Variants in PTPRU observed in about 807,000 individuals in gnomAD.
PTPRU encodes receptor-type tyrosine-protein phosphatase U.
Under a neutral mutation model 166.3 loss-of-function variants are expected in PTPRU, and 69 were observed. The ratio of observed to expected loss-of-function variants is 0.41; its 90% CI spans 0.34 to 0.51. The LOEUF (loss-of-function observed/expected upper bound fraction) is 0.51. Ranked by LOEUF, PTPRU falls within the 20% of genes least tolerant of loss-of-function variation. The pLI is 0.09. For synonymous variants in PTPRU, 793 were observed against 814.0 expected (o/e 0.97, Z 0.44); for missense variants, 1,657 against 2,013.7 (o/e 0.82, Z 3.39).
At chr1:29,283,421 G>T (rs912923231) in intron 12 of PTPRU, among the ~76,000 whole-genome samples, 1 of 151,500 alleles carries the variant, frequency 6.6e-6, no homozygotes, top group Non-Finnish European at 1.5e-5. Context: ...TCTTTCTCAG[G>T]CTCCTCCTTT....
intron 15 of PTPRU, among the ~76,000 whole-genome samples, chr1:29,299,431 A>T (rs1362377334): frequency 6.6e-6 from 1 of 151,984 alleles, no homozygotes; most frequent in African/African-American, 2.4e-5. Flanking sequence ...GAGAGTAGGG[A>T]CCTGTCCTCT....
chr1:29,259,772 G>A, intron 5 of PTPRU, 98 bp from the exon 6 acceptor site: 1 of 1,366,278 alleles, frequency 7.3e-7, no homozygotes, highest in Non-Finnish European at 9.7e-7. Flanking sequence ...CTATGTCCGC[G>A]CGGTGTAGTA....
At chr1:29,272,250 C>T (rs1292862440) in intron 7 of PTPRU, among the ~76,000 whole-genome samples, 1 of 152,154 alleles carries the variant, frequency 6.6e-6, no homozygotes, top group Non-Finnish European at 1.5e-5. Flanking sequence ...GGCTTGCAGC[C>T]CACAGTACCC....
At chr1:29,322,837 C>T (rs1010745292) in intron 26 of PTPRU, among the ~76,000 whole-genome samples, 20 of 152,152 alleles carry the variant, frequency 1.3e-4, no homozygotes, top group Middle Eastern at 3.4e-3. Context: ...TCCTCTGTCC[C>T]TCCACAGTCT....
chr1:29,275,419 T>G, intron 7 of PTPRU, 29 bp from the exon 8 acceptor site: 2 of 1,572,276 alleles, frequency 1.3e-6, no homozygotes, highest in South Asian at 1.1e-5. Context: ...TTCTTCTAAC[T>G]TCTTCTCTCT....
chr1:29,309,384 ACTG>A (rs1687547030), intron 18 of PTPRU, among the ~76,000 whole-genome samples: 1 of 152,182 alleles, frequency 6.6e-6, no homozygotes, highest in Non-Finnish European at 1.5e-5. Context: ...TTACACAGCT[ACTG>A]CTCGGCATAG....
At chr1:29,297,670 G>A (rs149289928) in intron 15 of PTPRU, among the ~76,000 whole-genome samples, 88 of 152,270 alleles carry the variant, frequency 5.8e-4, no homozygotes, top group Non-Finnish European at 6.8e-4. Flanking sequence ...TAGAGAGAGC[G>A]GGAGATCAGG....
intron 2 of PTPRU, among the ~76,000 whole-genome samples, chr1:29,256,442 G>C (rs1684774843): frequency 6.6e-6 from 1 of 152,186 alleles, no homozygotes; most frequent in Admixed American, 6.5e-5. Flanking sequence ...GGTGTTTACT[G>C]CCTAGCTCAC....
intron 7 of PTPRU, among the ~76,000 whole-genome samples, chr1:29,270,151 C>T (rs530172882): frequency 3.7e-4 from 57 of 152,266 alleles, no homozygotes; most frequent in African/African-American, 1.3e-3. Context: ...TATACTGCTA[C>T]TGGCATCTCA....
At chr1:29,276,662 G>A (rs923543155) in intron 8 of PTPRU, among the ~76,000 whole-genome samples, 2 of 152,110 alleles carry the variant, frequency 1.3e-5, no homozygotes, top group South Asian at 2.1e-4. Context: ...GCTCTATAGT[G>A]ATATCATCTT....
chr1:29,278,253 T>A (rs1379157165), intron 8 of PTPRU, among the ~76,000 whole-genome samples: 1 of 152,186 alleles, frequency 6.6e-6, no homozygotes, highest in Admixed American at 6.6e-5. Context: ...TGCACAGTTT[T>A]CTGTTCTGCA....
rs1370078668 is a variant in PTPRU, at chr1:29,259,279, A to G, written c.496A>G (p.Ile166Val). Residue 166 changes from isoleucine (I) to valine (V), a missense_variant, in exon 4 of 30, where the codon ATC becomes GTC. Physicochemically the swap from Ile to Val is conservative, Grantham distance 29. Transcript: ENST00000373779. Reference protein sequence around the residue: ...NEYQVLFEALISPDRRGYMGL... With the variant: ...NEYQVLFEALVSPDRRGYMGL... Reference sequence around the variant, plus strand: ...CCCCCAGGTGCTGTTTGAGGCCCTCATCTCCCCAGACCGCAGGGGCTACAT... The same window carrying G: ...CCCCCAGGTGCTGTTTGAGGCCCTCGTCTCCCCAGACCGCAGGGGCTACAT... 2 of 1,613,886 alleles carry G rather than the reference A, an allele frequency of 1.2e-6. No individual in the cohort carries two copies.
In PTPRU at chr1:29,259,434, G is replaced by C. The variant is rs775185866; in HGVS notation, c.560-15G>C. ...GGGTGCAGGCCCAGCTCACGATGCA[G>C]CTCTAACCCCGCAGCAAAGGCCCCA... On this transcript the variant is annotated splice_polypyrimidine_tract_variant and intron_variant, in intron 4 of 29. Transcript: ENST00000373779. 10 of 1,609,960 alleles carry C rather than the reference G, an allele frequency of 6.2e-6. No homozygotes were observed. In the South Asian group the frequency reaches 9.9e-5, roughly 16 times the overall value.
Position 29,283,961 on chromosome 1 carries a change from C to T in PTPRU, c.2164C>T (p.Arg722Cys), listed in dbSNP as rs749851774. 15 of 1,613,776 alleles carry T rather than the reference C, an allele frequency of 9.3e-6. No homozygotes were observed. The highest frequency in any genetic ancestry group is 2.7e-5 in the African/African-American group (2 of 74,922). ...CCAGGAGACCCGGCTGAATTGCATC[C>T]GCATTGCCAGGAAAGGTAAGTCCGC... ...LKGETRLNCIRIARKAACKES... is the reference protein window; with the variant it reads ...LKGETRLNCICIARKAACKES... Residue 722 changes from arginine to cysteine, a missense_variant, in exon 13 of 30, where the codon CGC (arginine) becomes TGC (cysteine). By Grantham distance (180) the Arg-to-Cys change is radical (BLOSUM62 -3). Coordinates refer to ENST00000373779, the MANE Select transcript of PTPRU (RefSeq NM_133178.4).
chr1:29,297,052 GTTTTTTTT>G (rs35789721), intron 15 of PTPRU, among the ~76,000 whole-genome samples: 1 of 111,404 alleles, frequency 9.0e-6, no homozygotes, highest in African/African-American at 3.5e-5. Flanking sequence ...CTTAGTAGCT[GTTTTTTTT>G]TTTTTTTTTT....
In PTPRU at chr1:29,237,183, G is replaced by A. The variant is rs529248588; in HGVS notation, c.73+466G>A. 6.6e-6 allele frequency among the ~76,000 whole-genome samples: 1 copy of A among 152,262 alleles called. No individual in the cohort carries two copies. The highest frequency in any genetic ancestry group is 1.9e-4 in the East Asian group (1 of 5,180). On this transcript the variant is annotated intron_variant, in intron 1 of 29. Transcript: ENST00000373779. The surrounding 1 kb of genome is among the most constrained non-coding windows in gnomAD (Gnocchi z 6.4). ...TGTTTGTGTTATGCCTGTGGCCAAG[G>A]GTGCTCTCTGGATCCCGCCTGAGTG... is the stretch of plus-strand genomic sequence containing the variant.
intron 18 of PTPRU, among the ~76,000 whole-genome samples, chr1:29,310,475 C>T (rs1687599759): frequency 6.6e-6 from 1 of 152,118 alleles, no homozygotes; most frequent in Admixed American, 6.5e-5. Flanking sequence ...GGGGGTCCCT[C>T]TAGGCACATA....
chr1:29,245,247 G>A (rs916606541), intron 1 of PTPRU, among the ~76,000 whole-genome samples: 3 of 152,160 alleles, frequency 2.0e-5, no homozygotes, highest in Admixed American at 6.5e-5. Flanking sequence ...GATTCTAGAT[G>A]GCCTATCCTG....
chr1:29,289,225 T>C (rs1415132595), intron 14 of PTPRU, among the ~76,000 whole-genome samples: 1 of 152,086 alleles, frequency 6.6e-6, no homozygotes, highest in Non-Finnish European at 1.5e-5. Flanking sequence ...AATGTGTGTG[T>C]GTGTGTGTTT....
Sources: allele counts gnomAD v4.1 joint callset (sites outside exome capture counted in the v4.1 genomes callset), GRCh38; gene constraint gnomAD v4.1.1; non-coding constraint Gnocchi (gnomAD v3.1); transcripts MANE v1.5; gene names NCBI Gene and HGNC (gene_info 2026-07-23, HGNC 2026-07-21).